Variants in GPR139 observed in about 807,000 individuals in gnomAD.
GPR139 encodes the protein probable G protein-coupled receptor 139.
GPR139 carries 12 observed loss-of-function variants against 25.8 expected under a neutral mutation model. The observed-to-expected ratio is 0.47, with a 90% CI of 0.30 to 0.75. The LOEUF (loss-of-function observed/expected upper bound fraction) is 0.75. Among genes scored for constraint, GPR139 ranks in the 30% least tolerant of loss-of-function variants. The pLI, the probability that GPR139 is intolerant of heterozygous loss-of-function variation, is 0.07. For missense variants in GPR139, 380 were observed against 450.2 expected, an observed-to-expected ratio of 0.84 and a Z score of 1.41; for synonymous variants, 184 against 179.9, an observed-to-expected ratio of 1.02 and a Z score of -0.18.
At chr16:20,048,424 A>T (rs2057361014) in intron 1 of GPR139, among the ~76,000 whole-genome samples, 1 of 152,226 alleles carries the variant, frequency 6.6e-6, no homozygotes, top group Admixed American at 6.5e-5. Flanking sequence ...CAAGGTGCTG[A>T]GAACTTGCTA....
At chr16:20,059,122 G>A (rs1472718219) in intron 1 of GPR139, among the ~76,000 whole-genome samples, 1 of 152,136 alleles carries the variant, frequency 6.6e-6, no homozygotes, top group Non-Finnish European at 1.5e-5. Context: ...TGGGCACCCT[G>A]GTGATGATCC....
In GPR139 at chr16:20,030,853, G is replaced by T. The variant is rs886816836; in HGVS notation, c.*882C>A. ...GGTTGGCAACTTGACACGTAAAAAG[G>T]CTTCTCTAGGAAGCTGGAGTGATAC... On this transcript the variant is annotated 3_prime_UTR_variant, in exon 2 of 2. Transcript: ENST00000570682. 6.6e-6 allele frequency among the ~76,000 whole-genome samples: 1 copy of T among 152,204 alleles called. No homozygotes were observed. The highest frequency in any genetic ancestry group is 2.4e-5 in the African/African-American group (1 of 41,454).
intron 1 of GPR139, among the ~76,000 whole-genome samples, chr16:20,071,834 C>T (rs542776073): frequency 6.6e-6 from 1 of 152,122 alleles, no homozygotes; most frequent in African/African-American, 2.4e-5. Flanking sequence ...GTCTCTGTCC[C>T]TTAAATGGTT....
Position 20,054,413 on chromosome 16 carries a change from GTTT to G in GPR139, c.127+19074_127+19076del, listed in dbSNP as rs10581558. On this transcript the variant is annotated intron_variant, in intron 1 of 1. Coordinates refer to ENST00000570682, the MANE Select transcript of GPR139 (RefSeq NM_001002911.4). ...GGAGAAGGCATAATTGTTCTTATCAGTTTTTTTTTTTCCAGACAATATAATTGT... is the reference window on the plus strand; with the variant it reads ...GGAGAAGGCATAATTGTTCTTATCAGTTTTTTTTCCAGACAATATAATTGT... Among the ~76,000 whole-genome samples the G allele has an allele frequency of 1.7e-3, 258 of 151,144 alleles. 1 individual carries two copies. Among genetic ancestry groups the G allele is most frequent in the African/African-American group, 5.7e-3 (236 of 41,326 alleles).
At chr16:20,037,589 A>T (rs1013820203) in intron 1 of GPR139, among the ~76,000 whole-genome samples, 1 of 152,192 alleles carries the variant, frequency 6.6e-6, no homozygotes, top group African/African-American at 2.4e-5. Flanking sequence ...TTATGTTCAT[A>T]GAACAGAGAG....
chr16:20,057,601 C>T (rs542439716), intron 1 of GPR139, among the ~76,000 whole-genome samples: 1 of 151,866 alleles, frequency 6.6e-6, no homozygotes, highest in African/African-American at 2.4e-5. Flanking sequence ...TCCCTCCACC[C>T]ATCCCTCCAT....
intron 1 of GPR139, among the ~76,000 whole-genome samples, chr16:20,039,114 A>C (rs940144616): frequency 6.6e-6 from 1 of 152,216 alleles, no homozygotes; most frequent in African/African-American, 2.4e-5. Context: ...TTCCTGGATA[A>C]TAAAAAGCCC....
In GPR139 at chr16:20,030,060, G is replaced by A. The variant is rs2057281867; in HGVS notation, c.*1675C>T. ...TATTGCGATCCTTTAAAAGGGGTAA[G>A]AATTAGGATCATCAGGACTAATATG... is the stretch of plus-strand genomic sequence containing the variant. On this transcript the variant is annotated 3_prime_UTR_variant, in exon 2 of 2. Coordinates refer to ENST00000570682, the MANE Select transcript of GPR139 (RefSeq NM_001002911.4). Among the ~76,000 whole-genome samples, 1 of 152,210 alleles carries A rather than the reference G, an allele frequency of 6.6e-6. No homozygotes were observed. Among genetic ancestry groups the A allele is most frequent in the Admixed American group, 6.5e-5 (1 of 15,276 alleles).
intron 1 of GPR139, among the ~76,000 whole-genome samples, chr16:20,059,359 C>T (rs1401304863): frequency 6.6e-6 from 1 of 152,186 alleles, no homozygotes; most frequent in African/African-American, 2.4e-5. Context: ...TCCCCATCAT[C>T]TCCTGCCCCT....
intron 1 of GPR139, among the ~76,000 whole-genome samples, chr16:20,040,251 G>A (rs1212144352): frequency 6.6e-6 from 1 of 152,168 alleles, no homozygotes; most frequent in Non-Finnish European, 1.5e-5. Context: ...GTCAGCCCAG[G>A]AACCGTGACA....
At chr16:20,057,126 G>A (rs971148595) in intron 1 of GPR139, among the ~76,000 whole-genome samples, 1 of 152,190 alleles carries the variant, frequency 6.6e-6, no homozygotes, top group African/African-American at 2.4e-5. Context: ...CCTGTGCCCT[G>A]AATACCAATG....
intron 1 of GPR139, among the ~76,000 whole-genome samples, chr16:20,039,909 A>G (rs999697782): frequency 6.6e-6 from 1 of 152,096 alleles, no homozygotes; most frequent in Non-Finnish European, 1.5e-5. Flanking sequence ...CCTGTAATTT[A>G]CTTTTGACCA....
At position 20,050,300 on chromosome 16, in the gene GPR139, G is replaced by T. The variant is rs534107518; in HGVS notation, c.128-17631C>A. 2.0e-5 allele frequency among the ~76,000 whole-genome samples: 3 copies of T among 152,290 alleles called. No individual in the cohort carries two copies. The East Asian group carries it at 5.8e-4, about 29-fold the overall frequency. ...ATAGGAGGGAACGAAATGTGCAAAG[G>T]CCAAGAAGCAAGAGACGGGATGGCT... On this transcript the variant is annotated intron_variant, in intron 1 of 1. Coordinates refer to ENST00000570682, the MANE Select transcript of GPR139 (RefSeq NM_001002911.4).
rs746326530 is a variant in GPR139, at chr16:20,031,919, C to A, written c.878G>T (p.Arg293Leu). The change falls in exon 2 of 2, where the codon CGC becomes CTC. Residue 293 changes from arginine (R) to leucine (L), a missense_variant. Coordinates refer to ENST00000570682, the MANE Select transcript of GPR139 (RefSeq NM_001002911.4). ...FLYCFISKRF[R>L]TMAAATLKAF... is the part of the protein sequence containing the mutation. ...CTTGAGCGTGGCGGCTGCCATGGTGCGGAACCGCTTGCTGATGAAGCAGTA... is the reference window on the plus strand; with the variant it reads ...CTTGAGCGTGGCGGCTGCCATGGTGAGGAACCGCTTGCTGATGAAGCAGTA... 2.5e-6 allele frequency: 4 copies of A among 1,614,168 alleles called. No homozygotes were observed. Among genetic ancestry groups the A allele is most frequent in the Non-Finnish European group, 3.4e-6 (4 of 1,180,028 alleles).
rs373335631 is a variant in GPR139 at position 20,063,784 on chromosome 16, A to G, written c.127+9706T>C. Among the ~76,000 whole-genome samples, 4 of 152,330 alleles carry G rather than the reference A, an allele frequency of 2.6e-5. No homozygotes were observed. The East Asian group carries it at 7.7e-4, about 29-fold the overall frequency. The stretch of plus-strand genomic sequence containing the variant: ...CTGCTAGCAGTGTGATTTCGTGAAA[A>G]GTGAACTGAGACTTGGGAAAAGTAA... On this transcript the variant is annotated intron_variant, in intron 1 of 1. Coordinates refer to ENST00000570682, the MANE Select transcript of GPR139 (RefSeq NM_001002911.4).
At chr16:20,048,035 A>G (rs72772712) in intron 1 of GPR139, among the ~76,000 whole-genome samples, 4,033 of 152,342 alleles carry the variant, frequency 0.026, 69 homozygotes, top group Non-Finnish European at 0.041. Flanking sequence ...TATTATTAAT[A>G]TATTGCCAAG....
At chr16:20,034,214 ATCTC>A (rs1005918285) in intron 1 of GPR139, among the ~76,000 whole-genome samples, 7 of 152,106 alleles carry the variant, frequency 4.6e-5, no homozygotes, top group Non-Finnish European at 1.0e-4. Context: ...TAGAATCCAG[ATCTC>A]TCTCTCAGTC....
chr16:20,040,545 C>A (rs1328101096), intron 1 of GPR139, among the ~76,000 whole-genome samples: 1 of 152,120 alleles, frequency 6.6e-6, no homozygotes, highest in Non-Finnish European at 1.5e-5. Flanking sequence ...CTTATTATGA[C>A]TATTTTTGTT....
chr16:20,061,061 CTG>C (rs58567910), intron 1 of GPR139, among the ~76,000 whole-genome samples: 65,091 of 134,558 alleles, frequency 0.48, 14,338 homozygotes, highest in Middle Eastern at 0.63. Flanking sequence ...AGTCTTTCCT[CTG>C]TGTGTGTGTG....
Sources: gnomAD v4.1 joint callset for allele counts (sites outside exome capture counted in the v4.1 genomes callset) on GRCh38, gnomAD v4.1.1 for gene constraint, MANE v1.5 for transcripts, NCBI Gene and HGNC (gene_info 2026-07-23, HGNC 2026-07-21) for gene names.